Variants in CEMIP observed in about 807,000 individuals in gnomAD.
The protein encoded by CEMIP is cell migration-inducing and hyaluronan-binding protein.
CEMIP carries 105 observed loss-of-function variants against 156.9 expected under a neutral mutation model. That is an observed-to-expected ratio of 0.67 (90% CI 0.57 to 0.79). The LOEUF (loss-of-function observed/expected upper bound fraction) is 0.79. Ranked by LOEUF, CEMIP falls within the 30% of genes least tolerant of loss-of-function variation. The probability of loss-of-function intolerance (pLI) is 0.00; values close to 1 mark genes in which losing one functional copy is unlikely to be tolerated. For missense variants in CEMIP, 1,457 were observed against 1,769.4 expected, an observed-to-expected ratio of 0.82 and a Z score of 3.17; for synonymous variants, 676 against 668.4, an observed-to-expected ratio of 1.01 and a Z score of -0.17.
intron 14 of CEMIP, among the ~76,000 whole-genome samples, chr15:80,913,064 GC>G (rs1338832280): frequency 6.6e-6 from 1 of 152,088 alleles, no homozygotes; most frequent in African/African-American, 2.4e-5. Flanking sequence ...GTGCCTTAAA[GC>G]CTGGCTCTGG....
intron 23 of CEMIP, among the ~76,000 whole-genome samples, chr15:80,935,990 G>A (rs1160041286): frequency 2.6e-5 from 4 of 152,118 alleles, no homozygotes; most frequent in Non-Finnish European, 5.9e-5. Flanking sequence ...CACCCGCCTC[G>A]GCCTCCCAAA....
At chr15:80,893,182 AAAAT>A (rs71153557) in intron 10 of CEMIP, among the ~76,000 whole-genome samples, 2 of 151,640 alleles carry the variant, frequency 1.3e-5, no homozygotes, top group African/African-American at 4.8e-5. Context: ...GCTCTGTCTC[AAAAT>A]AAATAAATAA....
At chr15:80,840,645 G>T (rs938395963) in intron 1 of CEMIP, among the ~76,000 whole-genome samples, 11 of 152,178 alleles carry the variant, frequency 7.2e-5, no homozygotes, top group African/African-American at 2.7e-4. Flanking sequence ...CTGCTGGACT[G>T]CTGGGTGTCC....
At chr15:80,866,214 C>A (rs968373131) in intron 1 of CEMIP, among the ~76,000 whole-genome samples, 1 of 152,174 alleles carries the variant, frequency 6.6e-6, no homozygotes, top group South Asian at 2.1e-4. Context: ...TCACAGGGAA[C>A]TGTAGCATCT....
rs200352418 is a variant in CEMIP at position 80,947,036 on chromosome 15, T to C, written c.3929T>C (p.Leu1310Pro). ...CCATGGACCAGAGTGCTGGAAAAGCTTGGGGCAGACAGGGGTCTCAAGTTG... is the reference window on the plus strand; with the variant it reads ...CCATGGACCAGAGTGCTGGAAAAGCCTGGGGCAGACAGGGGTCTCAAGTTG... ...RGPWTRVLEK[L>P]GADRGLKLKE... Residue 1310 changes from leucine to proline, a missense_variant, in exon 29 of 30, where the codon CTT (leucine) becomes CCT (proline). Physicochemically the swap from Leu to Pro is moderately conservative, Grantham distance 98 (BLOSUM62 -3). Transcript: ENST00000394685. 2.5e-6 allele frequency: 4 copies of C among 1,613,936 alleles called. No individual in the cohort carries two copies. Among genetic ancestry groups the C allele is most frequent in the African/African-American group, 1.3e-5 (1 of 75,030 alleles).
chr15:80,869,816 G>A (rs1020633796), intron 1 of CEMIP, among the ~76,000 whole-genome samples: 1 of 152,164 alleles, frequency 6.6e-6, no homozygotes, highest in African/African-American at 2.4e-5. Flanking sequence ...GTTATCAGTA[G>A]TATTATTATT....
At chr15:80,926,532 G>A (rs1168107722) in intron 19 of CEMIP, among the ~76,000 whole-genome samples, 1 of 152,108 alleles carries the variant, frequency 6.6e-6, no homozygotes, top group African/African-American at 2.4e-5. Context: ...GAAATGCGAG[G>A]AGAAAAGCAG....
At chr15:80,846,170 CT>C (rs1205043104) in intron 1 of CEMIP, among the ~76,000 whole-genome samples, 1 of 152,198 alleles carries the variant, frequency 6.6e-6, no homozygotes. Flanking sequence ...CTATCTAACC[CT>C]TTGGCAGTGT....
At chr15:80,794,460 A>G (rs1284355447) in intron 1 of CEMIP, among the ~76,000 whole-genome samples, 3 of 152,184 alleles carry the variant, frequency 2.0e-5, no homozygotes, top group Non-Finnish European at 4.4e-5. Context: ...AGTGCTGTCC[A>G]GGAGACATAC....
At chr15:80,832,316 T>C (rs1183335377) in intron 1 of CEMIP, among the ~76,000 whole-genome samples, 7 of 37,620 alleles carry the variant, frequency 1.9e-4, no homozygotes, top group Non-Finnish European at 4.1e-4. Context: ...TGGTTTAAAA[T>C]AAACTCTGTG....
intron 1 of CEMIP, among the ~76,000 whole-genome samples, chr15:80,816,493 T>C (rs936414640): frequency 6.6e-6 from 1 of 152,168 alleles, no homozygotes; most frequent in Admixed American, 6.5e-5. Flanking sequence ...CTGCACCACC[T>C]GGGCCAGTCC....
rs145432518 is a variant in CEMIP at position 80,888,139 on chromosome 15, G to C, written c.868+375G>C. 2.6e-3 allele frequency among the ~76,000 whole-genome samples: 397 copies of C among 152,132 alleles called. 1 individual carries two copies. Among genetic ancestry groups the C allele is most frequent in the African/African-American group, 8.4e-3 (349 of 41,478 alleles). On this transcript the variant is annotated intron_variant, in intron 8 of 29. Transcript: ENST00000394685. The stretch of plus-strand genomic sequence containing the variant: ...GCATTTTGGGAGGCCGAGGCGGGTG[G>C]ATCACTTGAGGTCAGGAGTTCGAAA...
intron 1 of CEMIP, among the ~76,000 whole-genome samples, chr15:80,794,042 G>A (rs1413238392): frequency 6.6e-6 from 1 of 152,122 alleles, no homozygotes. Flanking sequence ...TGGGTTCCTG[G>A]TTTTGGGGAT....
At chr15:80,887,448 TG>T (rs1302096882) in intron 7 of CEMIP, among the ~76,000 whole-genome samples, 1 of 152,182 alleles carries the variant, frequency 6.6e-6, no homozygotes, top group African/African-American at 2.4e-5. Flanking sequence ...AGAATGGAGC[TG>T]AAGAGGCTCA....
At position 80,943,003 on chromosome 15, in the gene CEMIP, G is replaced by A. The variant is rs1238586560; in HGVS notation, c.3758G>A (p.Gly1253Glu). The change falls in exon 28 of 30, where the codon GGG (glycine) becomes GAG (glutamate). Residue 1253 changes from glycine to glutamate, a missense_variant. Physicochemically the swap from Gly to Glu is moderately conservative, Grantham distance 98. Around this residue, in one of 5 missense-constraint regions of CEMIP, gnomAD observed 798 missense variants for 980.1 expected, o/e 0.81. Coordinates refer to ENST00000394685, the MANE Select transcript of CEMIP (RefSeq NM_001293298.2). Reference protein sequence around the residue: ...EDGIQVVVIDGNQGRVVSHTS... With the variant: ...EDGIQVVVIDENQGRVVSHTS... ...GGCATCCAGGTGGTGGTGATTGACGGGAACCAAGGGCGCGTGGTGAGCCAC... is the reference window on the plus strand; with the variant it reads ...GGCATCCAGGTGGTGGTGATTGACGAGAACCAAGGGCGCGTGGTGAGCCAC... The A allele has an allele frequency of 6.2e-7, 1 of 1,614,174 alleles. No homozygotes were observed. Among genetic ancestry groups the A allele is most frequent in the Admixed American group, 1.7e-5 (1 of 60,030 alleles).
At position 80,920,086 on chromosome 15, in the gene CEMIP, C is replaced by A; in HGVS notation, c.1798-8C>A. ...CTTGGTGAAACACCCCTGTCTTGAC[C>A]CCTGCAGATCAAGGACGTTGTGGGC... On this transcript the variant is annotated splice_region_variant and splice_polypyrimidine_tract_variant and intron_variant, in intron 14 of 29. Transcript: ENST00000394685. The A allele has an allele frequency of 6.2e-7, 1 of 1,614,148 alleles. No homozygotes were observed. The highest frequency in any genetic ancestry group is 1.1e-5 in the South Asian group (1 of 91,080).
intron 10 of CEMIP, among the ~76,000 whole-genome samples, chr15:80,891,935 T>C (rs1899044291): frequency 1.3e-5 from 2 of 152,204 alleles, no homozygotes. Context: ...AAGCAGGATT[T>C]CCCCATTTTT....
intron 1 of CEMIP, among the ~76,000 whole-genome samples, chr15:80,809,581 G>C (rs924906570): frequency 3.9e-5 from 6 of 152,206 alleles, no homozygotes; most frequent in Non-Finnish European, 7.3e-5. Context: ...TCACAGTCCT[G>C]TGGATAGGAA....
intron 1 of CEMIP, among the ~76,000 whole-genome samples, chr15:80,827,022 G>A (rs1018193691): frequency 6.6e-6 from 1 of 152,122 alleles, no homozygotes; most frequent in African/African-American, 2.4e-5. Context: ...ACTGAGGATG[G>A]GTTTACTCTT....
Sources: allele counts gnomAD v4.1 joint callset (sites outside exome capture counted in the v4.1 genomes callset), GRCh38; gene constraint gnomAD v4.1.1; regional missense constraint gnomAD v4.1.1; transcripts MANE v1.5; gene names NCBI Gene and HGNC (gene_info 2026-07-23, HGNC 2026-07-21).